The following PDE1C variants were observed in gnomAD, a reference collection of about 807,000 sequenced individuals.
PDE1C encodes the protein phosphodiesterase 1C, also known as dual specificity calcium/calmodulin-dependent 3',5'-cyclic nucleotide phosphodiesterase 1C.
Under a neutral mutation model 93.1 loss-of-function variants are expected in PDE1C, and 62 were observed. The observed-to-expected ratio is 0.67, with a 90% CI of 0.54 to 0.82. The LOEUF (loss-of-function observed/expected upper bound fraction) is 0.82, where lower values mean the gene tolerates loss of function less well. PDE1C is among the 40% of genes least tolerant of loss of function. PDE1C has a pLI of 0.00. For synonymous variants in PDE1C, 325 were observed against 310.1 expected (o/e 1.05, Z -0.50); for missense variants, 742 against 884.6 (o/e 0.84, Z 2.04).
the PDE1C span, chr7:31,707,531 C>T: frequency 2.2e-6 from 1 of 462,794 alleles, no homozygotes; most frequent in Non-Finnish European, 3.8e-6. Flanking sequence ...AGAAACAGAT[C>T]ATCCTAAATG....
intron 2 of PDE1C, among the ~76,000 whole-genome samples, chr7:32,026,960 A>G (rs547972619): frequency 2.6e-4 from 40 of 152,294 alleles, no homozygotes; most frequent in African/African-American, 9.4e-4. Flanking sequence ...CATTCTGGAA[A>G]GTATAACACT....
chr7:32,419,249 C>A (rs1372468119), intron 1 of PDE1C, among the ~76,000 whole-genome samples: 1 of 152,138 alleles, frequency 6.6e-6, no homozygotes, highest in Non-Finnish European at 1.5e-5. Flanking sequence ...TGAATTTAGA[C>A]TTCTACTTTA....
chr7:31,727,640 C>A, the PDE1C span, among the ~76,000 whole-genome samples: 1 of 152,200 alleles, frequency 6.6e-6, no homozygotes, highest in African/African-American at 2.4e-5. Flanking sequence ...AGTCCAAAAT[C>A]AATAACTATC....
chr7:32,411,393 C>A (rs981742700), intron 1 of PDE1C, among the ~76,000 whole-genome samples: 12 of 152,176 alleles, frequency 7.9e-5, no homozygotes, highest in Non-Finnish European at 2.9e-5. Flanking sequence ...TCCTAGGCTA[C>A]AAACCTATAC....
intron 3 of PDE1C, among the ~76,000 whole-genome samples, chr7:32,111,159 T>C (rs927389329): frequency 2.0e-5 from 3 of 152,078 alleles, no homozygotes; most frequent in Non-Finnish European, 4.4e-5. Flanking sequence ...ATCAGGCTCA[T>C]AAGGACCAAA....
At chr7:32,366,015 C>T (rs183116467) in intron 1 of PDE1C, among the ~76,000 whole-genome samples, 6 of 152,190 alleles carry the variant, frequency 3.9e-5, no homozygotes, top group Non-Finnish European at 7.4e-5. Context: ...ACCCATCAAA[C>T]ATGAAAAAGC....
chr7:32,092,812 G>T (rs1797545195), intron 3 of PDE1C, among the ~76,000 whole-genome samples: 1 of 152,208 alleles, frequency 6.6e-6, no homozygotes, highest in Non-Finnish European at 1.5e-5. Context: ...GCACTATGTT[G>T]AGTATTCTTA....
At chr7:32,005,937 C>A (rs1021150265) in intron 2 of PDE1C, among the ~76,000 whole-genome samples, 1 of 152,020 alleles carries the variant, frequency 6.6e-6, no homozygotes, top group African/African-American at 2.4e-5. Flanking sequence ...AGACTTAAAT[C>A]AAATTTTTCC....
At chr7:31,788,277 G>A (rs1325859522) in intron 16 of PDE1C, 1 of 152,076 alleles carries the variant, frequency 6.6e-6, no homozygotes, top group Non-Finnish European at 1.5e-5. Flanking sequence ...GTCAAAAATT[G>A]ACATACTCTT....
downstream of PDE1C, among the ~76,000 whole-genome samples, chr7:31,748,641 C>A (rs531788201): frequency 7.2e-5 from 11 of 152,340 alleles, no homozygotes; most frequent in African/African-American, 2.4e-4. Flanking sequence ...TCTCCTAGAT[C>A]AGTCTTAAAA....
chr7:31,698,217 G>T, the PDE1C span, among the ~76,000 whole-genome samples: 1 of 152,082 alleles, frequency 6.6e-6, no homozygotes, highest in African/African-American at 2.4e-5. Flanking sequence ...GAAAAAAATT[G>T]AAAAAACAGC....
the PDE1C span, chr7:31,653,051 C>T: frequency 1.7e-6 from 2 of 1,160,772 alleles, no homozygotes; most frequent in South Asian, 3.8e-5. Flanking sequence ...ACAGAGTATG[C>T]AACAGTGACT....
intron 3 of PDE1C, among the ~76,000 whole-genome samples, chr7:32,093,209 C>T (rs896438922): frequency 3.3e-5 from 5 of 152,172 alleles, no homozygotes; most frequent in African/African-American, 1.2e-4. Context: ...AAGCTCTTTC[C>T]CACCTAGTTA....
chr7:31,904,314 A>T (rs2128925475), intron 2 of PDE1C, among the ~76,000 whole-genome samples: 1 of 152,228 alleles, frequency 6.6e-6, no homozygotes, highest in African/African-American at 2.4e-5. Context: ...CCAGATCTAG[A>T]GACACTGCTA....
intron 16 of PDE1C, among the ~76,000 whole-genome samples, chr7:31,776,175 CG>C (rs1440566039): frequency 2.0e-5 from 3 of 152,062 alleles, no homozygotes; most frequent in Non-Finnish European, 4.4e-5. Flanking sequence ...ATGAGGGAAT[CG>C]GGGGTTTTGT....
chr7:32,014,507 A>G (rs1459908579), intron 2 of PDE1C, among the ~76,000 whole-genome samples: 3 of 152,030 alleles, frequency 2.0e-5, no homozygotes, highest in Non-Finnish European at 4.4e-5. Flanking sequence ...CAGAACATGC[A>G]GGTTTGTTAC....
the PDE1C span, among the ~76,000 whole-genome samples, chr7:31,649,979 G>A: frequency 3.3e-5 from 5 of 152,152 alleles, no homozygotes; most frequent in Admixed American, 6.5e-5. Flanking sequence ...GGGCTCAGTA[G>A]AGTCAGAAAA....
At chr7:32,164,985 G>T (rs1010252890) in intron 3 of PDE1C, among the ~76,000 whole-genome samples, 1 of 152,254 alleles carries the variant, frequency 6.6e-6, no homozygotes, top group Admixed American at 6.5e-5. Flanking sequence ...CAAGGAAAGA[G>T]GCACCCAAGG....
the PDE1C span, among the ~76,000 whole-genome samples, chr7:31,678,020 C>A: frequency 6.6e-6 from 1 of 151,880 alleles, no homozygotes; most frequent in Non-Finnish European, 1.5e-5. Flanking sequence ...ATAAAAGGCC[C>A]CACCTATAAT....
Sources: gnomAD v4.1 joint callset for allele counts (sites outside exome capture counted in the v4.1 genomes callset) on GRCh38, gnomAD v4.1.1 for gene constraint, MANE v1.5 for transcripts, NCBI Gene and HGNC (gene_info 2026-07-23, HGNC 2026-07-21) for gene names.